BCKDHB: variants seen among roughly 807,000 people sequenced by gnomAD.
BCKDHB encodes the protein branched chain keto acid dehydrogenase E1 subunit beta, also known as 2-oxoisovalerate dehydrogenase subunit beta, mitochondrial.
A neutral mutation model predicts 48.5 loss-of-function variants in BCKDHB; 41 were observed. The ratio of observed to expected loss-of-function variants is 0.85; its 90% CI spans 0.66 to 1.10. BCKDHB has a LOEUF of 1.10. Ranked by LOEUF, BCKDHB falls within the 50% of genes least tolerant of loss-of-function variation. The pLI, the probability that BCKDHB is intolerant of heterozygous loss-of-function variation, is 0.00. For missense variants in BCKDHB, 496 were observed against 494.2 expected, an observed-to-expected ratio of 1.00 and a Z score of -0.03; for synonymous variants, 201 against 174.8, an observed-to-expected ratio of 1.15 and a Z score of -1.18.
intron 8 of BCKDHB, among the ~76,000 whole-genome samples, chr6:80,232,708 ATAT>A (rs1418601089): frequency 3.4e-5 from 5 of 148,368 alleles, no homozygotes; most frequent in Admixed American, 6.8e-5. Flanking sequence ...AATATATTTA[ATAT>A]TATATTAAAG....
intron 9 of BCKDHB, among the ~76,000 whole-genome samples, chr6:80,324,655 A>T (rs1472163482): frequency 1.3e-5 from 2 of 152,080 alleles, no homozygotes; most frequent in African/African-American, 4.8e-5. Flanking sequence ...TAATTTTGAT[A>T]CACCTTTCCC....
the BCKDHB span, among the ~76,000 whole-genome samples, chr6:80,409,668 C>T: frequency 8.0e-6 from 1 of 125,630 alleles, no homozygotes; most frequent in African/African-American, 2.9e-5. Flanking sequence ...CTTCCTTTAC[C>T]ATTATGTAAT....
intron 8 of BCKDHB, among the ~76,000 whole-genome samples, chr6:80,226,781 C>G (rs1400698638): frequency 6.6e-6 from 1 of 152,180 alleles, no homozygotes; most frequent in East Asian, 1.9e-4. Context: ...ACACGATACA[C>G]TCTTTCTTCT....
intron 9 of BCKDHB, among the ~76,000 whole-genome samples, chr6:80,324,537 C>T (rs559102836): frequency 2.3e-4 from 34 of 150,762 alleles, no homozygotes; most frequent in Non-Finnish European, 3.5e-4. Flanking sequence ...AACATTCTAG[C>T]ATATATATAT....
At chr6:80,427,956 C>T in the BCKDHB span, among the ~76,000 whole-genome samples, 5,558 of 151,996 alleles carry the variant, frequency 0.037, 355 homozygotes, top group African/African-American at 0.13. Flanking sequence ...TAGGTATACA[C>T]GTGCCAGGGT....
chr6:80,370,544 C>T, the BCKDHB span, among the ~76,000 whole-genome samples: 1 of 152,080 alleles, frequency 6.6e-6, no homozygotes, highest in African/African-American at 2.4e-5. Flanking sequence ...TTTTATCCCT[C>T]ACCTCTGCCA....
intron 6 of BCKDHB, among the ~76,000 whole-genome samples, chr6:80,185,603 T>C (rs781127569): frequency 1.4e-4 from 21 of 152,222 alleles, no homozygotes; most frequent in Non-Finnish European, 2.5e-4. Flanking sequence ...TCTTTTGTCC[T>C]GTGGGCTGAT....
At chr6:80,177,064 A>G (rs1219848685) in intron 6 of BCKDHB, among the ~76,000 whole-genome samples, 9 of 151,730 alleles carry the variant, frequency 5.9e-5, no homozygotes, top group Non-Finnish European at 1.2e-4. Context: ...GTCTCTACAC[A>G]AAAAATGCAA....
chr6:80,337,166 C>G (rs1287943868), intron 9 of BCKDHB, among the ~76,000 whole-genome samples: 1 of 152,028 alleles, frequency 6.6e-6, no homozygotes, highest in Non-Finnish European at 1.5e-5. Context: ...TTTGCTAAAA[C>G]TCATGTTTTG....
intron 1 of BCKDHB, among the ~76,000 whole-genome samples, chr6:80,123,040 A>C (rs1322004720): frequency 6.7e-6 from 1 of 148,518 alleles, no homozygotes; most frequent in Non-Finnish European, 1.5e-5. Flanking sequence ...CTAGGAAAAG[A>C]ATTTAGCAAT....
intron 5 of BCKDHB, among the ~76,000 whole-genome samples, chr6:80,171,011 A>AT (rs1203222722): frequency 6.6e-6 from 1 of 151,878 alleles, no homozygotes; most frequent in Non-Finnish European, 1.5e-5. Context: ...TATTCTTTTT[A>AT]TTTTTTTTAT....
intron 9 of BCKDHB, among the ~76,000 whole-genome samples, chr6:80,324,263 C>A (rs1486706686): frequency 1.3e-5 from 2 of 151,964 alleles, no homozygotes. Flanking sequence ...GTGACCATAC[C>A]CAAGAATAAT....
At chr6:80,362,331 T>A in the BCKDHB span, among the ~76,000 whole-genome samples, 1 of 152,146 alleles carries the variant, frequency 6.6e-6, no homozygotes, top group African/African-American at 2.4e-5. Context: ...TAGAACTTGT[T>A]TTACAGAGTG....
chr6:80,339,670 A>T (rs1769791726), intron 9 of BCKDHB, among the ~76,000 whole-genome samples: 1 of 152,188 alleles, frequency 6.6e-6, no homozygotes, highest in Non-Finnish European at 1.5e-5. Context: ...TATTACCTTC[A>T]TGATCAAGTT....
In BCKDHB at chr6:80,217,151, G is replaced by C. The variant is rs909324455; in HGVS notation, c.951+13939G>C. On this transcript the variant is annotated intron_variant, in intron 8 of 9. Transcript: ENST00000320393. ...CAGCTACTCGGGAGGCTGGGGCAGA[G>C]AAACTCTTGAACCCGGGAGGCAGAG... 2.0e-5 allele frequency among the ~76,000 whole-genome samples: 3 copies of C among 152,078 alleles called. No individual in the cohort carries two copies. The East Asian group carries it at 5.8e-4, about 29-fold the overall frequency.
chr6:80,247,601 C>CT (rs1157826642), intron 8 of BCKDHB, among the ~76,000 whole-genome samples: 6 of 152,278 alleles, frequency 3.9e-5, no homozygotes, highest in South Asian at 4.1e-4. Flanking sequence ...TTTCCAAAAT[C>CT]TTATTTCTAA....
chr6:80,291,365 A>T (rs1766904140), intron 9 of BCKDHB, among the ~76,000 whole-genome samples: 1 of 152,226 alleles, frequency 6.6e-6, no homozygotes, highest in Non-Finnish European at 1.5e-5. Flanking sequence ...CGGTATGTCA[A>T]GGGCCATTTA....
At chr6:80,428,189 A>G in the BCKDHB span, among the ~76,000 whole-genome samples, 5 of 152,296 alleles carry the variant, frequency 3.3e-5, no homozygotes, top group Non-Finnish European at 7.3e-5. Flanking sequence ...ATGTCCCTGC[A>G]AAGGACATGA....
chr6:80,234,905 A>G (rs139748394), intron 8 of BCKDHB, among the ~76,000 whole-genome samples: 20 of 152,280 alleles, frequency 1.3e-4, no homozygotes, highest in African/African-American at 4.1e-4. Context: ...ACATGGCCGG[A>G]AAGTCAGGCC....
Sources: allele counts gnomAD v4.1 joint callset (sites outside exome capture counted in the v4.1 genomes callset), GRCh38; gene constraint gnomAD v4.1.1; transcripts MANE v1.5; gene names NCBI Gene and HGNC (gene_info 2026-07-23, HGNC 2026-07-21).